MX2: variants seen among roughly 807,000 people sequenced by gnomAD.
The protein encoded by MX2 is MX dynamin like GTPase 2, also known as interferon-induced GTP-binding protein Mx2.
MX2 carries 51 observed loss-of-function variants against 74.0 expected under a neutral mutation model. The ratio of observed to expected loss-of-function variants is 0.69; its 90% confidence interval spans 0.55 to 0.87. The LOEUF (loss-of-function observed/expected upper bound fraction) is 0.87. Ranked by LOEUF, MX2 falls within the 40% of genes least tolerant of loss-of-function variation. The pLI is 0.00. For synonymous variants in MX2, 369 were observed against 339.3 expected, an observed-to-expected ratio of 1.09 and a Z score of -0.96; for missense variants, 832 against 908.7, an observed-to-expected ratio of 0.92 and a Z score of 1.09.
chr21:41,372,061 A>T (rs1236850100), intron 1 of MX2, among the ~76,000 whole-genome samples: 3 of 152,200 alleles, frequency 2.0e-5, no homozygotes, highest in Non-Finnish European at 2.9e-5. Flanking sequence ...GTAAGTCTAT[A>T]ATCTTTTGAT....
intron 7 of MX2, 50 bp from the exon 8 acceptor site, chr21:41,397,563 A>G (rs775304711): frequency 6.4e-7 from 1 of 1,551,290 alleles, no homozygotes; most frequent in Admixed American, 1.7e-5. Context: ...GGTACTAGCA[A>G]GATGGTACAC....
At position 41,368,888 on chromosome 21, in the gene MX2, A is replaced by T. The variant is rs2145854776; in HGVS notation, c.-72+6833A>T. On this transcript the variant is annotated intron_variant, in intron 1 of 13. Transcript: ENST00000330714. The surrounding 1 kb of genome is among the most constrained non-coding windows in gnomAD (Gnocchi z 4.6). ...AAGGATATTGTGGCTAGGGGTTCAG[A>T]GTCCCAGGCTCCCTCCCAGACAGAT... Among the ~76,000 whole-genome samples, 1 of 152,240 alleles carries T rather than the reference A, an allele frequency of 6.6e-6. No individual in the cohort carries two copies. Among genetic ancestry groups the T allele is most frequent in the African/African-American group, 2.4e-5 (1 of 41,560 alleles).
chr21:41,401,912 C>A (rs1679589155), intron 10 of MX2, 58 bp from the exon 11 acceptor site: 3 of 1,564,128 alleles, frequency 1.9e-6, no homozygotes, highest in Admixed American at 1.8e-5. Context: ...CTGTTGCTAG[C>A]TTTACGACGT....
chr21:41,378,702 G>A (rs1264573796), intron 3 of MX2, among the ~76,000 whole-genome samples: 2 of 152,220 alleles, frequency 1.3e-5, no homozygotes, highest in African/African-American at 4.8e-5. Flanking sequence ...GGTACCCTCA[G>A]AGTGGGTACT....
At chr21:41,392,541 T>G (rs555866305) in intron 6 of MX2, among the ~76,000 whole-genome samples, 37 of 152,244 alleles carry the variant, frequency 2.4e-4, no homozygotes, top group African/African-American at 8.7e-4. Context: ...GTTCAATGGG[T>G]GAAGAGCTTT....
At chr21:41,405,897 G>GT (rs35151570) in intron 12 of MX2, among the ~76,000 whole-genome samples, 118,951 of 151,228 alleles carry the variant, frequency 0.79, 47,024 homozygotes, top group Middle Eastern at 0.85. Context: ...TGAGATGGGG[G>GT]TTCGTCATGT....
chr21:41,377,925 C>G lies in MX2; in HGVS notation c.386C>G (p.Ser129Trp), dbSNP rs751408137. The G allele has an allele frequency of 1.9e-6, 3 of 1,614,182 alleles. No homozygotes were observed. Among genetic ancestry groups the G allele is most frequent in the South Asian group, 1.1e-5 (1 of 91,066 alleles). The change falls in exon 3 of 14, where the codon TCG (serine) becomes TGG (tryptophan). Residue 129 changes from serine (S) to tryptophan (W), a missense_variant. By Grantham distance (177) the Ser-to-Trp change is radical. Transcript: ENST00000330714. ...PAIAVIGDQS[S>W]GKSSVLEALS... ...ATCGCCGTCATCGGGGACCAGAGCT[C>G]GGGCAAGAGCTCTGTGCTGGAGGCA...
rs959576929 is a variant in MX2 at position 41,390,572 on chromosome 21, C to G, written c.740C>G (p.Ala247Gly). The part of the protein sequence containing the change: ...QPRDIGLQIK[A>G]LIKKYIQRQQ... ...GCGATTCTTTGGCATCAGATCAAGG[C>G]TCTCATCAAGAAGTACATCCAGAGG... The change falls in exon 6 of 14, where the codon GCT (alanine) becomes GGT (glycine). Residue 247 changes from alanine to glycine, a missense_variant. Transcript: ENST00000330714. 1 of 1,614,148 alleles carries G rather than the reference C, an allele frequency of 6.2e-7. No individual in the cohort carries two copies. The highest frequency in any genetic ancestry group is 1.3e-5 in the African/African-American group (1 of 75,052).
Position 41,377,952 on chromosome 21 carries a change from T to C in MX2, c.413T>C (p.Leu138Pro). ...SSGKSSVLEA[L>P]SGVALPRGSG... The stretch of plus-strand genomic sequence containing the variant: ...GGCAAGAGCTCTGTGCTGGAGGCAC[T>C]GTCAGGAGTCGCGCTTCCCAGAGGC... The change falls in exon 3 of 14, where the codon CTG (leucine) becomes CCG (proline). Residue 138 changes from leucine to proline, a missense_variant. Leu to Pro is a moderately conservative substitution (Grantham distance 98, BLOSUM62 -3). Coordinates refer to ENST00000330714, the MANE Select transcript of MX2 (RefSeq NM_002463.2). The C allele has an allele frequency of 6.2e-7, 1 of 1,614,008 alleles. No homozygotes were observed. Among genetic ancestry groups the C allele is most frequent in the South Asian group, 1.1e-5 (1 of 91,080 alleles).
chr21:41,393,319 T>A (rs533611673), intron 6 of MX2, among the ~76,000 whole-genome samples: 187 of 152,244 alleles, frequency 1.2e-3, no homozygotes, highest in Admixed American at 2.2e-3. Context: ...CTATGGATGT[T>A]ATCTACTCCC....
chr21:41,406,825 GT>G lies in MX2; in HGVS notation c.1738del (p.Cys580ValfsTer10), dbSNP rs753479308. ...ACTTCAGTTCAGAATGGAGCAGATG[GT>G]TTTTTGTCAAGATCAGATTTACAGT... The part of the protein sequence containing the change: ...IQLQFRMEQM[V>X]FCQDQIYSVV... On this transcript the variant is annotated frameshift_variant, in exon 13 of 14. Coordinates refer to ENST00000330714, the MANE Select transcript of MX2 (RefSeq NM_002463.2). LOFTEE classifies it high-confidence loss of function. 1 of 1,614,234 alleles carries G rather than the reference GT, an allele frequency of 6.2e-7. No homozygotes were observed. Among genetic ancestry groups the G allele is most frequent in the South Asian group, 1.1e-5 (1 of 91,088 alleles).
chr21:41,369,481 G>A (rs545271396), intron 1 of MX2, among the ~76,000 whole-genome samples: 59 of 152,316 alleles, frequency 3.9e-4, no homozygotes, highest in South Asian at 8.3e-4. Flanking sequence ...TCATCACAGG[G>A]TGACATCTGG....
At chr21:41,403,073 T>A in intron 11 of MX2, 194 bp from the exon 12 acceptor site, 1 of 549,520 alleles carries the variant, frequency 1.8e-6, no homozygotes, top group South Asian at 2.0e-5. Flanking sequence ...CCAGGCTGCA[T>A]GAGGGCTGGA....
At chr21:41,370,025 C>T (rs78094091) in intron 1 of MX2, among the ~76,000 whole-genome samples, 2 of 152,256 alleles carry the variant, frequency 1.3e-5, no homozygotes, top group Admixed American at 6.5e-5. Flanking sequence ...CTAGACTCGA[C>T]GAGGGTAGCA....
At chr21:41,404,873 C>CAAAAAAAAAAAAAAAAAAAAA (rs547207365) in intron 12 of MX2, 1 of 69,088 alleles carries the variant, frequency 1.4e-5, no homozygotes. Flanking sequence ...CACATATACT[C>CAAAAAAAAAAAAAAAAAAAAA]AAAAAAAAAA....
intron 1 of MX2, among the ~76,000 whole-genome samples, chr21:41,362,521 G>A (rs986386470): frequency 2.6e-5 from 4 of 151,956 alleles, no homozygotes; most frequent in Admixed American, 1.3e-4. Flanking sequence ...GCTCTCATGG[G>A]GCGGGGCAGG....
At chr21:41,396,916 A>T (rs114891185) in intron 7 of MX2, among the ~76,000 whole-genome samples, 1,735 of 152,240 alleles carry the variant, frequency 0.011, 28 homozygotes, top group African/African-American at 0.039. Context: ...GGTGCCCAAG[A>T]CTTCCTGCTT....
chr21:41,371,548 A>C (rs2089324818), intron 1 of MX2, among the ~76,000 whole-genome samples: 1 of 152,148 alleles, frequency 6.6e-6, no homozygotes, highest in African/African-American at 2.4e-5. Context: ...TGTGAGGCTA[A>C]TCCTTGACAA....
chr21:41,407,855 G>A (rs1022399410), intron 13 of MX2, 136 bp from the exon 14 acceptor site: 20 of 1,078,596 alleles, frequency 1.9e-5, no homozygotes, highest in Non-Finnish European at 2.4e-5. Context: ...GCTGACCACC[G>A]GAGTGGAGGT....
Sources: gnomAD v4.1 joint callset for allele counts (sites outside exome capture counted in the v4.1 genomes callset) on GRCh38, gnomAD v4.1.1 for gene constraint, Gnocchi (gnomAD v3.1) non-coding constraint, MANE v1.5 for transcripts, NCBI Gene and HGNC (gene_info 2026-07-23, HGNC 2026-07-21) for gene names.